Variants in CNTNAP2 observed in about 807,000 individuals in gnomAD.
CNTNAP2 encodes contactin associated protein 2.
In CNTNAP2, 98 loss-of-function variants were observed where a neutral mutation model predicts 155.2. The ratio of observed to expected loss-of-function variants is 0.63; its 90% CI spans 0.54 to 0.75. CNTNAP2 has a LOEUF of 0.75. Ranked by LOEUF, CNTNAP2 falls within the 30% of genes least tolerant of loss-of-function variation. The pLI is 0.00. For synonymous variants in CNTNAP2, 651 were observed against 631.2 expected (o/e 1.03, Z -0.47); for missense variants, 1,727 against 1,688.1 (o/e 1.02, Z -0.40).
In CNTNAP2 at chr7:147,325,749, T is replaced by C. The variant is rs537180841; in HGVS notation, c.1498+25459T>C. ...CACATAAAGCATAAAAGTTACCATT[T>C]TAACTATATTTAAGTGTACAGTTTG... On this transcript the variant is annotated intron_variant, in intron 9 of 23. Transcript: ENST00000361727. Among the ~76,000 whole-genome samples the C allele has an allele frequency of 2.0e-5, 3 of 152,352 alleles. No homozygotes were observed. The East Asian group carries it at 5.8e-4, about 29-fold the overall frequency.
chr7:147,633,270 T>C (rs772932248), intron 12 of CNTNAP2, among the ~76,000 whole-genome samples: 1 of 152,142 alleles, frequency 6.6e-6, no homozygotes, highest in Admixed American at 6.5e-5. Context: ...TACACAGAAG[T>C]CAAAAACCAA....
chr7:147,755,983 G>A (rs1241046951), intron 13 of CNTNAP2, among the ~76,000 whole-genome samples: 1 of 152,144 alleles, frequency 6.6e-6, no homozygotes, highest in East Asian at 1.9e-4. Flanking sequence ...CTGAAGAGTC[G>A]CTTCACAGTA....
chr7:147,476,031 T>TA (rs1563219348), intron 10 of CNTNAP2, among the ~76,000 whole-genome samples: 1 of 152,188 alleles, frequency 6.6e-6, no homozygotes, highest in African/African-American at 2.4e-5. Flanking sequence ...CTACTATCGA[T>TA]AATCTTACCT....
intron 3 of CNTNAP2, among the ~76,000 whole-genome samples, chr7:146,926,803 T>G (rs13437702): frequency 0.016 from 2,413 of 152,228 alleles, 67 homozygotes; most frequent in African/African-American, 0.055. Flanking sequence ...GTAGTTTATC[T>G]GTATACAATC....
At chr7:147,834,677 T>G (rs1165488727) in intron 13 of CNTNAP2, among the ~76,000 whole-genome samples, 23 of 152,116 alleles carry the variant, frequency 1.5e-4, no homozygotes, top group Admixed American at 1.5e-3. Flanking sequence ...ACCCCAGACG[T>G]ATGGAGAAAG....
At chr7:146,944,422 CTTAA>C (rs1797116621) in intron 3 of CNTNAP2, among the ~76,000 whole-genome samples, 1 of 151,660 alleles carries the variant, frequency 6.6e-6, no homozygotes, top group Admixed American at 6.6e-5. Context: ...TGTGTTATAT[CTTAA>C]TTTTTATGAA....
chr7:148,392,143 G>A (rs752852267), intron 22 of CNTNAP2, among the ~76,000 whole-genome samples: 3 of 152,116 alleles, frequency 2.0e-5, no homozygotes, highest in East Asian at 1.9e-4. Context: ...GCGTGATCTC[G>A]GCTCACTGCA....
chr7:146,934,278 C>T (rs1349869391), intron 3 of CNTNAP2, among the ~76,000 whole-genome samples: 1 of 152,012 alleles, frequency 6.6e-6, no homozygotes, highest in Non-Finnish European at 1.5e-5. Flanking sequence ...ATGATGAGTT[C>T]ATGTCCTTTG....
At chr7:147,973,969 T>G (rs1352826971) in intron 14 of CNTNAP2, among the ~76,000 whole-genome samples, 16 of 152,164 alleles carry the variant, frequency 1.1e-4, no homozygotes, top group Non-Finnish European at 1.8e-4. Context: ...TGACCAATAA[T>G]GCAAACATTT....
chr7:147,260,941 TATA>T (rs1294597839), intron 8 of CNTNAP2, among the ~76,000 whole-genome samples: 1 of 152,192 alleles, frequency 6.6e-6, no homozygotes, highest in African/African-American at 2.4e-5. Context: ...CAATCAGCGT[TATA>T]ATATGTTTTC....
At chr7:146,638,830 G>A (rs1214140845) in intron 1 of CNTNAP2, among the ~76,000 whole-genome samples, 1 of 151,952 alleles carries the variant, frequency 6.6e-6, no homozygotes, top group Non-Finnish European at 1.5e-5. Flanking sequence ...GTGATTCTAG[G>A]TGATTTTGTC....
intron 1 of CNTNAP2, among the ~76,000 whole-genome samples, chr7:146,634,737 A>T (rs748807007): frequency 1.3e-5 from 2 of 152,210 alleles, no homozygotes; most frequent in African/African-American, 4.8e-5. Context: ...GATGAGTCTA[A>T]TCTCTGGGTT....
At chr7:146,337,128 C>G (rs1288443444) in intron 1 of CNTNAP2, among the ~76,000 whole-genome samples, 2 of 151,730 alleles carry the variant, frequency 1.3e-5, no homozygotes, top group African/African-American at 4.8e-5. Context: ...TGAAAAGTAC[C>G]CAGGACCCCC....
At chr7:148,262,646 C>T (rs1436960578) in intron 20 of CNTNAP2, among the ~76,000 whole-genome samples, 3 of 152,098 alleles carry the variant, frequency 2.0e-5, no homozygotes, top group Non-Finnish European at 4.4e-5. Context: ...TATAAAGACC[C>T]TGGTGGGGAC....
intron 15 of CNTNAP2, among the ~76,000 whole-genome samples, chr7:148,086,728 T>C (rs1362041282): frequency 6.6e-6 from 1 of 152,190 alleles, no homozygotes; most frequent in Non-Finnish European, 1.5e-5. Context: ...GAAAACTAAC[T>C]ACCTGAGAGC....
intron 3 of CNTNAP2, among the ~76,000 whole-genome samples, chr7:146,844,610 G>A (rs1803807553): frequency 6.6e-6 from 1 of 152,090 alleles, no homozygotes; most frequent in Admixed American, 6.5e-5. Flanking sequence ...TAAGAGGCCT[G>A]TTTTGCTTGG....
intron 12 of CNTNAP2, among the ~76,000 whole-genome samples, chr7:147,630,244 T>C (rs28783428): frequency 0.092 from 13,575 of 148,268 alleles, 1,701 homozygotes; most frequent in African/African-American, 0.26. Context: ...ATATACAACC[T>C]TCCTAGATTA....
At chr7:148,061,772 A>C (rs972726503) in intron 15 of CNTNAP2, among the ~76,000 whole-genome samples, 6 of 152,070 alleles carry the variant, frequency 3.9e-5, no homozygotes, top group Admixed American at 3.9e-4. Context: ...AATATAAGAC[A>C]ATAGGAACAA....
At chr7:146,656,592 A>C (rs1420843470) in intron 1 of CNTNAP2, among the ~76,000 whole-genome samples, 3 of 152,164 alleles carry the variant, frequency 2.0e-5, no homozygotes, top group African/African-American at 7.2e-5. Context: ...ACAGGGGCTG[A>C]GTGGCTTAAC....
Sources: allele counts gnomAD v4.1 joint callset (sites outside exome capture counted in the v4.1 genomes callset), GRCh38; gene constraint gnomAD v4.1.1; transcripts MANE v1.5; gene names NCBI Gene and HGNC (gene_info 2026-07-23, HGNC 2026-07-21).